Variants in RMDN2 observed in about 807,000 individuals in gnomAD.
RMDN2 encodes regulator of microtubule dynamics protein 2.
Under a neutral mutation model 52.8 loss-of-function variants are expected in RMDN2, and 61 were observed. That is an observed-to-expected ratio of 1.16 (90% CI 0.94 to 1.43). The LOEUF is 1.43. RMDN2 is among the 40% of genes most tolerant of loss of function. The pLI is 0.00. For synonymous variants in RMDN2, 180 were observed against 153.1 expected (o/e 1.18, Z -1.30); for missense variants, 592 against 475.3 (o/e 1.25, Z -2.28).
At chr2:38,063,646 C>A (rs1682146462) in intron 10 of RMDN2, among the ~76,000 whole-genome samples, 1 of 151,958 alleles carries the variant, frequency 6.6e-6, no homozygotes, top group African/African-American at 2.4e-5. Flanking sequence ...TTTTTGCAAC[C>A]TACTCATCTG....
intron 2 of RMDN2, 66 bp from the exon 3 acceptor site, chr2:37,973,974 A>G (rs1672129635): frequency 1.4e-5 from 18 of 1,290,292 alleles, no homozygotes; most frequent in Non-Finnish European, 2.0e-5. Flanking sequence ...CTTGCATTTT[A>G]AAAGGAATGC....
intron 10 of RMDN2, among the ~76,000 whole-genome samples, chr2:38,060,194 C>T (rs1681994218): frequency 6.6e-6 from 1 of 151,962 alleles, no homozygotes; most frequent in Non-Finnish European, 1.5e-5. Context: ...ATCCGCCAGC[C>T]TTGGCCTCCC....
At chr2:38,000,245 A>T (rs1676130125) in intron 8 of RMDN2, among the ~76,000 whole-genome samples, 1 of 152,212 alleles carries the variant, frequency 6.6e-6, no homozygotes, top group Non-Finnish European at 1.5e-5. Flanking sequence ...AGTGGTTCTC[A>T]ACCTTGGCTG....
At chr2:38,042,468 T>C (rs1681029674) in intron 10 of RMDN2, among the ~76,000 whole-genome samples, 1 of 149,824 alleles carries the variant, frequency 6.7e-6, no homozygotes, top group African/African-American at 2.5e-5. Context: ...CACATCAGGT[T>C]TTGGTTTAAT....
chr2:37,950,255 A>G (rs572101552), intron 2 of RMDN2: 30 of 462,112 alleles, frequency 6.5e-5, no homozygotes, highest in South Asian at 5.8e-4. Context: ...TACAGCTGTC[A>G]TATATGTTAT....
At chr2:37,944,452 C>T (rs1410270039) in intron 2 of RMDN2, among the ~76,000 whole-genome samples, 1 of 151,958 alleles carries the variant, frequency 6.6e-6, no homozygotes, top group Admixed American at 6.6e-5. Flanking sequence ...TCCAATAAAA[C>T]TTTATTTACA....
intron 4 of RMDN2, 85 bp from the exon 5 acceptor site, chr2:37,981,198 A>G: frequency 1.2e-6 from 1 of 866,998 alleles, no homozygotes. Context: ...TTGGGACCAT[A>G]CTTTGTGAAC....
chr2:38,034,355 G>T (rs191558679), intron 10 of RMDN2, among the ~76,000 whole-genome samples: 38 of 152,306 alleles, frequency 2.5e-4, no homozygotes, highest in African/African-American at 8.9e-4. Flanking sequence ...GAGATCAGGA[G>T]GGCTAGGGGA....
At chr2:38,005,321 G>A (rs866760747) in intron 10 of RMDN2, among the ~76,000 whole-genome samples, 2,917 of 138,950 alleles carry the variant, frequency 0.021, no homozygotes, top group African/African-American at 0.083. Flanking sequence ...CCCACCAACA[G>A]TGTAAAAGTG....
At chr2:37,982,623 A>G (rs181415460) in intron 5 of RMDN2, among the ~76,000 whole-genome samples, 28 of 152,238 alleles carry the variant, frequency 1.8e-4, no homozygotes, top group African/African-American at 5.8e-4. Flanking sequence ...TCGCGGATGG[A>G]TAGTAGAGAA....
At chr2:38,056,024 T>G (rs988656873) in intron 10 of RMDN2, among the ~76,000 whole-genome samples, 1 of 152,056 alleles carries the variant, frequency 6.6e-6, no homozygotes, top group Admixed American at 6.6e-5. Flanking sequence ...ACACACACAC[T>G]GCATGCAAAC....
intron 10 of RMDN2, among the ~76,000 whole-genome samples, chr2:38,035,697 G>C (rs886266328): frequency 2.0e-5 from 3 of 152,134 alleles, no homozygotes; most frequent in Non-Finnish European, 4.4e-5. Context: ...AGATAAGGAG[G>C]GTGGGAAACA....
At chr2:38,062,445 T>C (rs575017189) in intron 10 of RMDN2, among the ~76,000 whole-genome samples, 22 of 152,326 alleles carry the variant, frequency 1.4e-4, no homozygotes, top group Admixed American at 2.6e-4. Context: ...TGGGTGGATG[T>C]AACAGATTTT....
At chr2:37,978,779 G>GATAGATAGATAT (rs1277535360) in intron 4 of RMDN2, among the ~76,000 whole-genome samples, 1 of 142,506 alleles carries the variant, frequency 7.0e-6, no homozygotes, top group South Asian at 2.2e-4. Flanking sequence ...CCCTTTCTCA[G>GATAGATAGATAT]ATAGATAGAT....
chr2:38,061,091 TA>T lies in RMDN2; in HGVS notation c.1714-5890del, dbSNP rs1039791455. Among the ~76,000 whole-genome samples, 3 of 152,096 alleles carry T rather than the reference TA, an allele frequency of 2.0e-5. No homozygotes were observed. In the South Asian group the frequency reaches 6.2e-4, roughly 32 times the overall value. The stretch of plus-strand genomic sequence containing the variant: ...TATATTTAAAGGCATTGTTGAAAAG[TA>T]TGTTAGTTCCAAGAGCCTGTTTGTT... On this transcript the variant is annotated intron_variant, in intron 10 of 10. Transcript: ENST00000234195.
At chr2:38,064,801 C>T (rs1682202481) in intron 10 of RMDN2, among the ~76,000 whole-genome samples, 1 of 151,870 alleles carries the variant, frequency 6.6e-6, no homozygotes, top group Non-Finnish European at 1.5e-5. Flanking sequence ...CTATGTAATG[C>T]ATCTCTCTCC....
chr2:37,978,310 C>T (rs115671126), intron 4 of RMDN2, among the ~76,000 whole-genome samples: 1,232 of 102,338 alleles, frequency 0.012, 7 homozygotes, highest in Middle Eastern at 0.038. Flanking sequence ...GGAGACCGTG[C>T]AAAGGGGAGG....
At chr2:37,938,549 T>A in intron 2 of RMDN2, among the ~76,000 whole-genome samples, 1 of 152,242 alleles carries the variant, frequency 6.6e-6, no homozygotes, top group Non-Finnish European at 1.5e-5. Flanking sequence ...TGGTAGGCTA[T>A]TAAGTACTGC....
intron 10 of RMDN2, chr2:38,039,365 A>G (rs1260864764): frequency 6.6e-6 from 1 of 152,124 alleles, no homozygotes; most frequent in Admixed American, 6.6e-5. Flanking sequence ...GCCAACATAC[A>G]GTCTTTTCAG....
Sources: allele counts gnomAD v4.1 joint callset (sites outside exome capture counted in the v4.1 genomes callset), GRCh38; gene constraint gnomAD v4.1.1; transcripts MANE v1.5; gene names NCBI Gene and HGNC (gene_info 2026-07-23, HGNC 2026-07-21).